The following C1QTNF7 variants were observed in gnomAD, a reference collection of about 807,000 sequenced individuals.
C1QTNF7 encodes the protein complement C1q tumor necrosis factor-related protein 7.
C1QTNF7 carries 15 observed loss-of-function variants against 19.6 expected under a neutral mutation model. The observed-to-expected ratio is 0.76, with a 90% CI of 0.51 to 1.18. The LOEUF (loss-of-function observed/expected upper bound fraction) is 1.18. C1QTNF7 is among the 50% of genes most tolerant of loss of function. The pLI is 0.00. For missense variants in C1QTNF7, 324 were observed against 359.7 expected (o/e 0.90, Z 0.80); for synonymous variants, 142 against 137.5 (o/e 1.03, Z -0.23).
chr4:15,357,719 T>C (rs1011934443), intron 1 of C1QTNF7, among the ~76,000 whole-genome samples: 6 of 152,220 alleles, frequency 3.9e-5, no homozygotes, highest in Non-Finnish European at 7.3e-5. Flanking sequence ...TCCATGAGCA[T>C]GGAATGTTTT....
intron 1 of C1QTNF7, among the ~76,000 whole-genome samples, chr4:15,410,267 C>T (rs969383338): frequency 7.9e-5 from 12 of 152,120 alleles, no homozygotes; most frequent in Middle Eastern, 6.8e-3. Context: ...AATTATGTTA[C>T]TAAATATATG....
intron 1 of C1QTNF7, among the ~76,000 whole-genome samples, chr4:15,433,098 G>A (rs1333269841): frequency 1.3e-5 from 2 of 152,030 alleles, no homozygotes; most frequent in African/African-American, 4.8e-5. Context: ...TTGCTTTCAG[G>A]TCCCTCCTGA....
chr4:15,360,170 T>G (rs16891775), intron 1 of C1QTNF7, among the ~76,000 whole-genome samples: 13,422 of 152,014 alleles, frequency 0.088, 983 homozygotes, highest in East Asian at 0.4. Context: ...TAGCCAGGGC[T>G]TTGGGATTAG....
At chr4:15,436,054 T>C in intron 2 of C1QTNF7, 73 bp downstream of exon 2, 2 of 1,536,954 alleles carry the variant, frequency 1.3e-6, no homozygotes, top group Non-Finnish European at 1.7e-6. Context: ...TCTTTGTTAC[T>C]TTTTCTAATG....
upstream of C1QTNF7, among the ~76,000 whole-genome samples, chr4:15,427,375 T>G (rs1203359727): frequency 6.6e-6 from 1 of 152,210 alleles, no homozygotes; most frequent in Non-Finnish European, 1.5e-5. Context: ...CATAGACGAC[T>G]AGTCATATGC....
intron 1 of C1QTNF7, among the ~76,000 whole-genome samples, chr4:15,431,048 TA>T (rs1298389557): frequency 1.4e-5 from 2 of 141,608 alleles, no homozygotes; most frequent in Non-Finnish European, 3.0e-5. Context: ...TTAAGATAGA[TA>T]GATGATAGAT....
At chr4:15,364,152 GTGTCA>G (rs1448572190) in intron 1 of C1QTNF7, among the ~76,000 whole-genome samples, 1 of 152,126 alleles carries the variant, frequency 6.6e-6, no homozygotes, top group Non-Finnish European at 1.5e-5. Flanking sequence ...AACCTTTTCT[GTGTCA>G]TGTTCTTCTA....
At position 15,435,978 on chromosome 4, in the gene C1QTNF7, G is replaced by T; in HGVS notation, c.235G>T (p.Ala79Ser). Reference protein sequence around the residue: ...RKGEKGEKGTAGLRGKTGPLG... With the variant: ...RKGEKGEKGTSGLRGKTGPLG... The stretch of plus-strand genomic sequence containing the variant: ...AGGAGAGAAAGGTGAAAAGGGAACT[G>T]CAGGTAATGAATGAGAAGTTGCATA... Residue 79 changes from alanine to serine, a missense_variant, in exon 2 of 3, where the codon GCA (alanine) becomes TCA (serine). Physicochemically the swap from Ala to Ser is moderately conservative, Grantham distance 99. Transcript: ENST00000444304. 6.2e-7 allele frequency: 1 copy of T among 1,612,200 alleles called. No individual in the cohort carries two copies. The highest frequency in any genetic ancestry group is 1.7e-4 in the Middle Eastern group (1 of 5,956).
chr4:15,390,336 A>G (rs1718509288), intron 1 of C1QTNF7, among the ~76,000 whole-genome samples: 1 of 152,200 alleles, frequency 6.6e-6, no homozygotes, highest in African/African-American at 2.4e-5. Flanking sequence ...CTTACCATCA[A>G]CAGATTATTG....
chr4:15,392,557 G>C lies in C1QTNF7; in HGVS notation c.14-43179G>C, dbSNP rs1301686681. ...CACATTCACATCTGCCTGGGCCCCA[G>C]CTCAGCCTCTCCAGGGAGGACCTGG... On this transcript the variant is annotated intron_variant, in intron 1 of 2. Coordinates refer to the C1QTNF7 transcript ENST00000295297. 3.9e-5 allele frequency among the ~76,000 whole-genome samples: 6 copies of C among 152,304 alleles called. No homozygotes were observed. In the East Asian group the frequency reaches 1.2e-3, roughly 29 times the overall value.
chr4:15,380,468 A>C (rs539626970), intron 1 of C1QTNF7, among the ~76,000 whole-genome samples: 2 of 152,328 alleles, frequency 1.3e-5, no homozygotes, highest in Admixed American at 6.5e-5. Flanking sequence ...CTATGGAGGA[A>C]AACAAAAGCC....
chr4:15,368,374 T>C (rs1717604103), intron 1 of C1QTNF7, among the ~76,000 whole-genome samples: 1 of 152,134 alleles, frequency 6.6e-6, no homozygotes, highest in South Asian at 2.1e-4. Flanking sequence ...ATGTGCCATG[T>C]TGGTGTGCTG....
chr4:15,393,321 C>G (rs1718654882), intron 1 of C1QTNF7, among the ~76,000 whole-genome samples: 1 of 152,184 alleles, frequency 6.6e-6, no homozygotes, highest in Admixed American at 6.5e-5. Context: ...TAGTTTCCCT[C>G]TAGCTGGAAA....
intron 1 of C1QTNF7, chr4:15,381,832 TTTAA>T (rs1718157471): frequency 6.6e-6 from 1 of 152,234 alleles, no homozygotes; most frequent in Admixed American, 6.5e-5. Flanking sequence ...GAACCAACTC[TTTAA>T]TTGTGAGAAA....
At chr4:15,440,592 G>T (rs1358915134) in intron 2 of C1QTNF7, among the ~76,000 whole-genome samples, 1 of 152,050 alleles carries the variant, frequency 6.6e-6, no homozygotes, top group Non-Finnish European at 1.5e-5. Context: ...ATTTTTAGTA[G>T]AGACGGGGCT....
Position 15,349,030 on chromosome 4 carries a change from C to A in C1QTNF7, c.13+8823C>A, listed in dbSNP as rs188889452. Among the ~76,000 whole-genome samples the A allele has an allele frequency of 3.0e-4, 46 of 152,336 alleles. No homozygotes were observed. The East Asian group carries it at 7.7e-3, about 26-fold the overall frequency. The stretch of plus-strand genomic sequence containing the variant: ...GTGCTAGGTTTATTCCTATTTTACA[C>A]ATGAGACCCAAAGCCCACCATCGGT... On this transcript the variant is annotated intron_variant, in intron 1 of 2. Transcript: ENST00000295297.
intron 1 of C1QTNF7, among the ~76,000 whole-genome samples, chr4:15,377,135 G>A (rs924254997): frequency 6.6e-6 from 1 of 152,104 alleles, no homozygotes; most frequent in African/African-American, 2.4e-5. Context: ...ATATACTAAA[G>A]TTTGACAGTT....
chr4:15,413,016 C>T (rs954427339), intron 1 of C1QTNF7, among the ~76,000 whole-genome samples: 3 of 152,162 alleles, frequency 2.0e-5, no homozygotes, highest in African/African-American at 4.8e-5. Context: ...GGTTCAGATC[C>T]GTTATAGAAT....
At chr4:15,342,912 T>C (rs1347401172) in intron 1 of C1QTNF7, among the ~76,000 whole-genome samples, 1 of 152,206 alleles carries the variant, frequency 6.6e-6, no homozygotes, top group African/African-American at 2.4e-5. Flanking sequence ...GCTCCTTCAA[T>C]GATGTATGAA....
Sources: gnomAD v4.1 joint callset for allele counts (sites outside exome capture counted in the v4.1 genomes callset) on GRCh38, gnomAD v4.1.1 for gene constraint, MANE v1.5 for transcripts, NCBI Gene and HGNC (gene_info 2026-07-23, HGNC 2026-07-21) for gene names.